SMC1B: variants seen among roughly 807,000 people sequenced by gnomAD.
The protein encoded by SMC1B is structural maintenance of chromosomes protein 1B.
In SMC1B, 60 loss-of-function variants were observed where a neutral mutation model predicts 157.9. That is an observed-to-expected ratio of 0.38 (90% CI 0.31 to 0.47). SMC1B has a LOEUF of 0.47. SMC1B is among the 20% of genes least tolerant of loss of function. The pLI is 0.99. For synonymous variants in SMC1B, 445 were observed against 483.0 expected, an observed-to-expected ratio of 0.92 and a Z score of 1.03; for missense variants, 1,165 against 1,426.2, an observed-to-expected ratio of 0.82 and a Z score of 2.95.
intron 23 of SMC1B, among the ~76,000 whole-genome samples, chr22:45,349,481 GCACACCACCACACC>G (rs1569171944): frequency 1.6e-4 from 7 of 43,530 alleles, no homozygotes; most frequent in East Asian, 4.9e-4. Context: ...GATTACAGGC[GCACACCACCACACC>G]TGGCTAATTT....
intron 15 of SMC1B, among the ~76,000 whole-genome samples, chr22:45,367,709 C>T (rs1171685929): frequency 6.6e-6 from 1 of 152,188 alleles, no homozygotes; most frequent in Non-Finnish European, 1.5e-5. Flanking sequence ...TGGTTGTCCA[C>T]CTTGATCTCA....
intron 12 of SMC1B, among the ~76,000 whole-genome samples, chr22:45,376,656 T>C (rs1046035731): frequency 6.6e-6 from 1 of 152,194 alleles, no homozygotes; most frequent in African/African-American, 2.4e-5. Context: ...CATGATATGA[T>C]ACACCATTTT....
intron 11 of SMC1B, among the ~76,000 whole-genome samples, chr22:45,385,845 A>G (rs1377505380): frequency 6.6e-6 from 1 of 152,120 alleles, no homozygotes; most frequent in Non-Finnish European, 1.5e-5. Context: ...TATTGATCAG[A>G]AACACCAAAA....
At chr22:45,409,657 ATTGT>A in intron 1 of SMC1B, among the ~76,000 whole-genome samples, 1 of 152,240 alleles carries the variant, frequency 6.6e-6, no homozygotes, top group East Asian at 1.9e-4. Flanking sequence ...CTAGATTAAA[ATTGT>A]TTGATTGGTA....
At chr22:45,370,618 T>C (rs2086822014) in intron 14 of SMC1B, among the ~76,000 whole-genome samples, 1 of 152,224 alleles carries the variant, frequency 6.6e-6, no homozygotes, top group Non-Finnish European at 1.5e-5. Context: ...TTTAGTTGAA[T>C]ATACATTAAA....
At chr22:45,357,139 T>C (rs2086678107) in intron 19 of SMC1B, among the ~76,000 whole-genome samples, 1 of 152,252 alleles carries the variant, frequency 6.6e-6, no homozygotes, top group African/African-American at 2.4e-5. Context: ...GTACAATGAA[T>C]TGGGGTCCAA....
intron 15 of SMC1B, among the ~76,000 whole-genome samples, chr22:45,369,582 G>A (rs1482721484): frequency 4.8e-5 from 6 of 125,916 alleles, no homozygotes; most frequent in African/African-American, 1.6e-4. Context: ...TCGCTCCATC[G>A]TCCAGGCTGG....
intron 10 of SMC1B, among the ~76,000 whole-genome samples, chr22:45,389,001 A>G (rs6007014): frequency 2.9e-4 from 42 of 143,138 alleles, no homozygotes; most frequent in Non-Finnish European, 1.0e-4. Flanking sequence ...AAAAAAAAAA[A>G]AAAGAAAAAG....
chr22:45,372,276 A>G lies in SMC1B; in HGVS notation c.2075T>C (p.Leu692Pro). The change falls in exon 13 of 25, where the codon CTC becomes CCC. Residue 692 changes from leucine to proline, a missense_variant. Transcript: ENST00000357450. The part of the protein sequence containing the change: ...IQELKGLMKT[L>P]RKETDLKQIQ... Reference sequence around the variant, plus strand: ...TTGTTTCAAATCTGTTTCTTTGCGGAGTGTCTTCATTAAACCCTAAAAGGA... The same window carrying G: ...TTGTTTCAAATCTGTTTCTTTGCGGGGTGTCTTCATTAAACCCTAAAAGGA... 2 of 1,602,722 alleles carry G rather than the reference A, an allele frequency of 1.2e-6. No homozygotes were observed. Among genetic ancestry groups the G allele is most frequent in the Non-Finnish European group, 8.5e-7 (1 of 1,176,404 alleles).
At chr22:45,402,001 A>G (rs2087200931) in intron 5 of SMC1B, among the ~76,000 whole-genome samples, 1 of 151,874 alleles carries the variant, frequency 6.6e-6, no homozygotes. Flanking sequence ...CTCCTGCCTC[A>G]GCCTCCCGAG....
chr22:45,405,547 A>C (rs1321233483), intron 4 of SMC1B, among the ~76,000 whole-genome samples: 2 of 152,026 alleles, frequency 1.3e-5, no homozygotes, highest in African/African-American at 2.4e-5. Context: ...AAAAAGAGAC[A>C]AGACTCTCAG....
intron 12 of SMC1B, among the ~76,000 whole-genome samples, chr22:45,372,854 A>C (rs896954011): frequency 6.6e-6 from 1 of 151,728 alleles, no homozygotes; most frequent in Admixed American, 6.6e-5. Context: ...CTGGGACTAC[A>C]GGCACCCGCC....
At chr22:45,348,993 C>G (rs2086581224) in intron 23 of SMC1B, among the ~76,000 whole-genome samples, 1 of 144,932 alleles carries the variant, frequency 6.9e-6, no homozygotes, top group Non-Finnish European at 1.5e-5. Flanking sequence ...CATGAGCCAC[C>G]AAGCCCAGCC....
intron 15 of SMC1B, 116 bp downstream of exon 15, chr22:45,369,838 C>G (rs571494511): frequency 4.5e-6 from 3 of 669,936 alleles, no homozygotes; most frequent in East Asian, 3.2e-5. Context: ...GCCACCGTGC[C>G]CGGCCTAGCT....
intron 12 of SMC1B, among the ~76,000 whole-genome samples, chr22:45,374,400 A>G (rs1035907916): frequency 5.3e-5 from 8 of 152,182 alleles, no homozygotes; most frequent in Non-Finnish European, 1.2e-4. Flanking sequence ...CATGTGTACA[A>G]ATATCAGGCC....
In SMC1B at chr22:45,344,215, C is replaced by T. The variant is rs3747238; in HGVS notation, c.*341G>A. 0.4 allele frequency: 65,213 copies of T among 162,354 alleles called. 15,883 individuals are homozygous for T. The highest frequency in any genetic ancestry group is 0.55 in the Non-Finnish European group (41,179 of 75,076). 10.1% of individuals were successfully genotyped at this position (162,354 alleles called of 1,614,324 possible). A position where few individuals can be genotyped will look rare whatever the true frequency, so the allele number is the denominator to read the frequency against. On this transcript the variant is annotated 3_prime_UTR_variant, in exon 25 of 25. Transcript: ENST00000357450. ...AGTTCCCTTCAAGATTACTTGGGTG[C>T]AAGGCAAGATCAGAGTGAAGATGAA...
chr22:45,384,077 T>C (rs1482785911), intron 11 of SMC1B, among the ~76,000 whole-genome samples: 1 of 152,228 alleles, frequency 6.6e-6, no homozygotes, highest in African/African-American at 2.4e-5. Flanking sequence ...CATTTTGATG[T>C]TGGTCAATCT....
intron 4 of SMC1B, 67 bp downstream of exon 4, chr22:45,406,393 C>A: frequency 7.6e-7 from 1 of 1,318,446 alleles, no homozygotes; most frequent in Non-Finnish European, 1.1e-6. Context: ...CAAGCCCATA[C>A]CTAGTGATTC....
intron 15 of SMC1B, among the ~76,000 whole-genome samples, chr22:45,369,233 A>T (rs1190904461): frequency 2.6e-5 from 4 of 151,884 alleles, no homozygotes; most frequent in African/African-American, 9.7e-5. Context: ...AGTAGCTGGG[A>T]CTACAGGCGC....
Sources: gnomAD v4.1 joint callset for allele counts (sites outside exome capture counted in the v4.1 genomes callset) on GRCh38, gnomAD v4.1.1 for gene constraint, MANE v1.5 for transcripts, NCBI Gene and HGNC (gene_info 2026-07-23, HGNC 2026-07-21) for gene names.